Variants in ADAMTS6 observed in about 807,000 individuals in gnomAD.
The protein encoded by ADAMTS6 is A disintegrin and metalloproteinase with thrombospondin motifs 6.
In ADAMTS6, 23 loss-of-function variants were observed where a neutral mutation model predicts 144.3. The observed-to-expected ratio is 0.16, with a 90% CI of 0.11 to 0.23. ADAMTS6 has a LOEUF of 0.23. Ranked by LOEUF, ADAMTS6 falls within the 10% of genes least tolerant of loss-of-function variation. The pLI is 1.00. For synonymous variants in ADAMTS6, 444 were observed against 457.5 expected (o/e 0.97, Z 0.38); for missense variants, 999 against 1,379.6 (o/e 0.72, Z 4.37).
chr5:65,296,106 A>T (rs751974698), intron 10 of ADAMTS6, among the ~76,000 whole-genome samples: 25 of 152,262 alleles, frequency 1.6e-4, no homozygotes, highest in Non-Finnish European at 1.3e-4. Flanking sequence ...CAGTGGGTCA[A>T]TCTAAAAAAG....
rs114780983 is a variant in ADAMTS6 at position 65,383,510 on chromosome 5, T to C, written c.1074-49425A>G. Among the ~76,000 whole-genome samples, 376 of 152,318 alleles carry C rather than the reference T, an allele frequency of 2.5e-3. 1 individual carries two copies. Among genetic ancestry groups the C allele is most frequent in the African/African-American group, 8.5e-3 (353 of 41,574 alleles). ...ATTGAATCTTAAGACTAGAGAATAATTGACTCCATGACTCACCTTCCAGAC... is the reference window on the plus strand; with the variant it reads ...ATTGAATCTTAAGACTAGAGAATAACTGACTCCATGACTCACCTTCCAGAC... On this transcript the variant is annotated intron_variant, in intron 7 of 24. Transcript: ENST00000381055.
intron 9 of ADAMTS6, among the ~76,000 whole-genome samples, chr5:65,325,750 C>T (rs952181848): frequency 2.6e-5 from 4 of 152,088 alleles, no homozygotes; most frequent in Non-Finnish European, 1.5e-5. Context: ...ACCTTGGCCT[C>T]TCAAAATGCT....
intron 7 of ADAMTS6, among the ~76,000 whole-genome samples, chr5:65,371,318 A>G (rs1750887766): frequency 6.6e-6 from 1 of 152,116 alleles, no homozygotes; most frequent in Admixed American, 6.5e-5. Flanking sequence ...CAATCAAATT[A>G]CTCCGAACTA....
At chr5:65,319,531 A>T (rs1580380976) in intron 9 of ADAMTS6, among the ~76,000 whole-genome samples, 2 of 148,838 alleles carry the variant, frequency 1.3e-5, no homozygotes, top group Middle Eastern at 3.2e-3. Context: ...AAAAAAAAAA[A>T]TTTATATATA....
Position 65,275,123 on chromosome 5 carries a change from G to A in ADAMTS6, c.1513-1676C>T, listed in dbSNP as rs560317017. 1.3e-4 allele frequency among the ~76,000 whole-genome samples: 19 copies of A among 148,776 alleles called. No homozygotes were observed. In the South Asian group the frequency reaches 3.6e-3, roughly 28 times the overall value. The stretch of plus-strand genomic sequence containing the variant: ...GTAATCCCACAGTTTAGGAGGTCGA[G>A]GTGGGAAGATCGCTTGAGCCCAAGA... On this transcript the variant is annotated intron_variant, in intron 11 of 24. Transcript: ENST00000381055.
chr5:65,351,135 T>C (rs1748811521), intron 7 of ADAMTS6, among the ~76,000 whole-genome samples: 1 of 152,230 alleles, frequency 6.6e-6, no homozygotes, highest in Non-Finnish European at 1.5e-5. Context: ...GATGGCGCCA[T>C]ATTTCTTTCC....
chr5:65,447,380 CA>C (rs1205280844), intron 7 of ADAMTS6, among the ~76,000 whole-genome samples: 1 of 152,058 alleles, frequency 6.6e-6, no homozygotes, highest in African/African-American at 2.4e-5. Flanking sequence ...TGGGAGGCAA[CA>C]CATATCAAGC....
intron 9 of ADAMTS6, among the ~76,000 whole-genome samples, chr5:65,307,486 T>C (rs1744043003): frequency 6.6e-6 from 1 of 152,234 alleles, no homozygotes; most frequent in African/African-American, 2.4e-5. Flanking sequence ...CAGTCTCTTA[T>C]AAAACGTAGG....
At position 65,477,131 on chromosome 5, in the gene ADAMTS6, C is replaced by T. The variant is rs565147319; in HGVS notation, c.-279-3179G>A. Among the ~76,000 whole-genome samples, 8 of 152,282 alleles carry T rather than the reference C, an allele frequency of 5.3e-5. No individual in the cohort carries two copies. The South Asian group carries it at 1.7e-3, about 32-fold the overall frequency. ...TCTTGGTTTCCAACCTACTTATATA[C>T]AGATTCCATACTCTAAACCTTCCCA... On this transcript the variant is annotated intron_variant, in intron 1 of 24. Coordinates refer to ENST00000381055, the MANE Select transcript of ADAMTS6 (RefSeq NM_197941.4).
chr5:65,356,850 G>T (rs1749368451), intron 7 of ADAMTS6, among the ~76,000 whole-genome samples: 2 of 151,946 alleles, frequency 1.3e-5, no homozygotes, highest in South Asian at 4.2e-4. Flanking sequence ...AATAAGCATT[G>T]AAGGTGTTTA....
chr5:65,471,768 A>AAG (rs60946871), intron 2 of ADAMTS6, among the ~76,000 whole-genome samples: 1 of 152,066 alleles, frequency 6.6e-6, no homozygotes, highest in Non-Finnish European at 1.5e-5. Flanking sequence ...AAAAAAAAAA[A>AAG]CAAAACGAAA....
chr5:65,441,295 G>A (rs1174819901), intron 7 of ADAMTS6, among the ~76,000 whole-genome samples: 1 of 152,098 alleles, frequency 6.6e-6, no homozygotes, highest in Non-Finnish European at 1.5e-5. Flanking sequence ...TGAATACACA[G>A]AGAAGAGAGA....
chr5:65,297,444 TA>T (rs1178507461), intron 10 of ADAMTS6, among the ~76,000 whole-genome samples: 2 of 152,188 alleles, frequency 1.3e-5, no homozygotes, highest in African/African-American at 2.4e-5. Flanking sequence ...ATACAGCTAC[TA>T]AGTAGAGAAA....
At chr5:65,176,549 G>A (rs1198891460) in intron 22 of ADAMTS6, among the ~76,000 whole-genome samples, 3 of 152,166 alleles carry the variant, frequency 2.0e-5, no homozygotes, top group Admixed American at 1.3e-4. Context: ...TAAAGTTAAA[G>A]GGGTATCATC....
At chr5:65,212,045 C>T (rs1756567134) in intron 20 of ADAMTS6, among the ~76,000 whole-genome samples, 1 of 152,146 alleles carries the variant, frequency 6.6e-6, no homozygotes, top group South Asian at 2.1e-4. Flanking sequence ...CAAACTTGAG[C>T]GAGCAACAAA....
At chr5:65,336,673 T>C (rs1747337380) in intron 7 of ADAMTS6, among the ~76,000 whole-genome samples, 1 of 152,238 alleles carries the variant, frequency 6.6e-6, no homozygotes, top group Admixed American at 6.5e-5. Flanking sequence ...AGAGTTGGAA[T>C]GTCATCAAGC....
chr5:65,402,394 T>C (rs950665828), intron 7 of ADAMTS6, among the ~76,000 whole-genome samples: 5 of 152,152 alleles, frequency 3.3e-5, no homozygotes, highest in African/African-American at 1.2e-4. Context: ...AATCAACAAG[T>C]GACCTCAAGT....
At position 65,390,083 on chromosome 5, in the gene ADAMTS6, GA is replaced by G. The variant is rs376953850; in HGVS notation, c.1074-55999del. 1.8e-4 allele frequency among the ~76,000 whole-genome samples: 28 copies of G among 151,718 alleles called. No homozygotes were observed. The East Asian group carries it at 2.7e-3, about 15-fold the overall frequency. ...ATTCTGAAAGTAGAAATAAGTCATT[GA>G]AAAAAAACTATTTAGTTTTATTCAT... is the stretch of plus-strand genomic sequence containing the variant. On this transcript the variant is annotated intron_variant, in intron 7 of 24. Coordinates refer to ENST00000381055, the MANE Select transcript of ADAMTS6 (RefSeq NM_197941.4).
chr5:65,305,036 C>T lies in ADAMTS6; in HGVS notation c.1224-4905G>A, dbSNP rs568259034. On this transcript the variant is annotated intron_variant, in intron 9 of 24. Coordinates refer to ENST00000381055, the MANE Select transcript of ADAMTS6 (RefSeq NM_197941.4). ...ACTTTCTAATTAGACCATTGTATGA[C>T]AGCTATATAAGACAATATATTTTGT... Among the ~76,000 whole-genome samples, 221 of 151,390 alleles carry T rather than the reference C, an allele frequency of 1.5e-3. 2 individuals are homozygous for T. Among genetic ancestry groups the T allele is most frequent in the African/African-American group, 5.2e-3 (212 of 41,164 alleles).
Sources: gnomAD v4.1 joint callset for allele counts (sites outside exome capture counted in the v4.1 genomes callset) on GRCh38, gnomAD v4.1.1 for gene constraint, MANE v1.5 for transcripts, NCBI Gene and HGNC (gene_info 2026-07-23, HGNC 2026-07-21) for gene names.